The following SLC39A11 variants were observed in gnomAD, a reference collection of about 807,000 sequenced individuals.
The protein encoded by SLC39A11 is solute carrier family 39 member 11.
SLC39A11 carries 33 observed loss-of-function variants against 36.1 expected under a neutral mutation model. That is an observed-to-expected ratio of 0.91 (90% CI 0.69 to 1.22). SLC39A11 has a LOEUF of 1.22. Among genes scored for constraint, SLC39A11 ranks in the 50% most tolerant of loss-of-function variants. The pLI is 0.00. For missense variants in SLC39A11, 432 were observed against 430.3 expected, an observed-to-expected ratio of 1.00 and a Z score of -0.03; for synonymous variants, 166 against 170.3, an observed-to-expected ratio of 0.97 and a Z score of 0.20.
chr17:73,011,670 T>C (rs1421056129), intron 4 of SLC39A11, among the ~76,000 whole-genome samples: 1 of 150,124 alleles, frequency 6.7e-6, no homozygotes, highest in African/African-American at 2.4e-5. Flanking sequence ...TTCTTGGTTT[T>C]TTTTTTTTTG....
chr17:72,723,056 C>T (rs879447792), intron 7 of SLC39A11, among the ~76,000 whole-genome samples: 31 of 152,326 alleles, frequency 2.0e-4, no homozygotes, highest in Admixed American at 1.4e-3. Context: ...GTTTGTCAGT[C>T]TTTACATATT....
intron 6 of SLC39A11, among the ~76,000 whole-genome samples, chr17:72,810,415 C>T (rs1390910226): frequency 6.6e-6 from 1 of 152,158 alleles, no homozygotes; most frequent in Non-Finnish European, 1.5e-5. Context: ...TAGTAAAAAA[C>T]ATGTAATCAA....
intron 7 of SLC39A11, among the ~76,000 whole-genome samples, chr17:72,686,158 T>A (rs1165068143): frequency 6.6e-6 from 1 of 152,190 alleles, no homozygotes; most frequent in East Asian, 1.9e-4. Context: ...CCTCAACCCA[T>A]AATGTGACAC....
At chr17:72,887,391 C>T (rs2081489188) in intron 5 of SLC39A11, among the ~76,000 whole-genome samples, 2 of 152,292 alleles carry the variant, frequency 1.3e-5, no homozygotes, top group South Asian at 2.1e-4. Context: ...ACTAAGGAAA[C>T]AGCCGCAAAG....
In SLC39A11 at chr17:72,947,841, A is replaced by G; in HGVS notation, c.341T>C (p.Leu114Pro). The change falls in exon 5 of 10, where the codon CTG (leucine) becomes CCG (proline). Residue 114 changes from leucine to proline, a missense_variant. By Grantham distance (98) the Leu-to-Pro change is moderately conservative. Transcript: ENST00000255559. ...CTTCATCAACGTAGAGCCGAAGTTC[A>G]GTGCCAGGGTCGTCTGGGGGTCTTC... ...AAEDPQTTLA[L>P]NFGSTLMKKK... The G allele has an allele frequency of 6.2e-7, 1 of 1,614,170 alleles. No individual in the cohort carries two copies. The highest frequency in any genetic ancestry group is 8.5e-7 in the Non-Finnish European group (1 of 1,180,028).
intron 4 of SLC39A11, among the ~76,000 whole-genome samples, chr17:72,966,592 C>T (rs1337246729): frequency 2.6e-5 from 4 of 151,842 alleles, no homozygotes; most frequent in South Asian, 2.1e-4. Context: ...TTTTTTGAGA[C>T]GGAGGCTCGC....
intron 5 of SLC39A11, among the ~76,000 whole-genome samples, chr17:72,912,471 G>T (rs144952497): frequency 6.7e-6 from 1 of 149,384 alleles, no homozygotes; most frequent in African/African-American, 2.5e-5. Flanking sequence ...GTCTTGAGCC[G>T]CTACCCAGGC....
intron 5 of SLC39A11, among the ~76,000 whole-genome samples, chr17:72,947,319 G>GA (rs35047970): frequency 0.014 from 2,085 of 148,992 alleles, 20 homozygotes; most frequent in Middle Eastern, 0.024. Context: ...ATCTCGGGGG[G>GA]AAAAAAAAAA....
chr17:73,084,085 G>A (rs1264488886), intron 3 of SLC39A11, among the ~76,000 whole-genome samples: 2 of 152,152 alleles, frequency 1.3e-5, no homozygotes, highest in Non-Finnish European at 2.9e-5. Flanking sequence ...ATTGAAGTTG[G>A]GAGATGGGTG....
chr17:73,067,967 A>G, intron 3 of SLC39A11: 1 of 1,594,890 alleles, frequency 6.3e-7, no homozygotes, highest in Non-Finnish European at 8.6e-7. Context: ...GGAAGGAGCA[A>G]AGGACTGATT....
intron 7 of SLC39A11, among the ~76,000 whole-genome samples, chr17:72,699,118 A>T (rs77748678): frequency 5.9e-5 from 9 of 152,198 alleles, no homozygotes; most frequent in East Asian, 3.9e-4. Flanking sequence ...GGTGAGCCAC[A>T]GCGCCTGGCC....
At position 73,080,000 on chromosome 17, in the gene SLC39A11, T is replaced by C. The variant is rs117930582; in HGVS notation, c.147+4808A>G. Reference sequence around the variant, plus strand: ...AGAAGTCATAAATGACACAAACACATGGAAACACCTCCCATGCACACAGAT... The same window carrying C: ...AGAAGTCATAAATGACACAAACACACGGAAACACCTCCCATGCACACAGAT... On this transcript the variant is annotated intron_variant, in intron 3 of 9. Transcript: ENST00000255559. 9.7e-3 allele frequency among the ~76,000 whole-genome samples: 1,476 copies of C among 152,246 alleles called. 35 individuals carry two copies. The highest frequency in any genetic ancestry group is 0.072 in the East Asian group (374 of 5,186).
intron 6 of SLC39A11, among the ~76,000 whole-genome samples, chr17:72,782,687 CA>C (rs72447211): frequency 0.43 from 26,777 of 61,752 alleles, 4,069 homozygotes; most frequent in Non-Finnish European, 0.52. Flanking sequence ...GACCCCATCT[CA>C]AAAAAAAAAA....
chr17:72,897,795 C>T (rs755171666), intron 5 of SLC39A11, among the ~76,000 whole-genome samples: 3 of 152,104 alleles, frequency 2.0e-5, no homozygotes, highest in South Asian at 4.1e-4. Context: ...CAAGGGAATT[C>T]GGTGTGGAGT....
At chr17:72,700,903 T>C (rs1462228698) in intron 7 of SLC39A11, among the ~76,000 whole-genome samples, 1 of 152,128 alleles carries the variant, frequency 6.6e-6, no homozygotes. Flanking sequence ...GATTCAATTA[T>C]CTCCCACTGG....
At chr17:72,981,743 C>T (rs1009159178) in intron 4 of SLC39A11, among the ~76,000 whole-genome samples, 6 of 151,986 alleles carry the variant, frequency 3.9e-5, no homozygotes, top group Admixed American at 6.6e-5. Context: ...GTTGGAAGCA[C>T]CATAAACAGA....
intron 7 of SLC39A11, among the ~76,000 whole-genome samples, chr17:72,689,010 C>T (rs1014915200): frequency 6.6e-6 from 1 of 152,188 alleles, no homozygotes. Flanking sequence ...CCACACTGCC[C>T]AGGGCCCCTC....
rs577825292 is a variant in SLC39A11, at chr17:73,005,724, G to A, written c.306+25832C>T. Among the ~76,000 whole-genome samples the A allele has an allele frequency of 5.8e-4, 89 of 152,266 alleles. 1 individual carries two copies. Among genetic ancestry groups the A allele is most frequent in the Middle Eastern group, 3.4e-3 (1 of 294 alleles). On this transcript the variant is annotated intron_variant, in intron 4 of 9. Transcript: ENST00000255559. ...AACACTTTGGAAGGCCAAGGCAAGC[G>A]GATCACGAAGTCAGGAGATCAAGAC...
chr17:72,665,387 G>GTATTTTTTT, intron 7 of SLC39A11, among the ~76,000 whole-genome samples: 1 of 57,100 alleles, frequency 1.8e-5, no homozygotes, highest in Middle Eastern at 9.6e-3. Context: ...AAGTTTTGAG[G>GTATTTTTTT]TGTTTTTTTT....
Sources: gnomAD v4.1 joint callset for allele counts (sites outside exome capture counted in the v4.1 genomes callset) on GRCh38, gnomAD v4.1.1 for gene constraint, MANE v1.5 for transcripts, NCBI Gene and HGNC (gene_info 2026-07-23, HGNC 2026-07-21) for gene names.